SRA1: variants seen among roughly 807,000 people sequenced by gnomAD.
The protein encoded by SRA1 is lncRNA SRA.
A neutral mutation model predicts 24.3 loss-of-function variants in SRA1; 25 were observed. That is an observed-to-expected ratio of 1.03 (90% confidence interval 0.75 to 1.43). The LOEUF is 1.43. Among genes scored for constraint, SRA1 ranks in the 40% most tolerant of loss-of-function variants. The pLI is 0.00. For missense variants in SRA1, 303 were observed against 286.6 expected (o/e 1.06, Z -0.41); for synonymous variants, 104 against 109.5 (o/e 0.95, Z 0.31).
chr5:140,555,209 A>G (rs1196310939), intron 2 of SRA1, among the ~76,000 whole-genome samples: 1 of 149,430 alleles, frequency 6.7e-6, no homozygotes, highest in Admixed American at 6.7e-5. Context: ...AGCAGCATTC[A>G]TTACTATTGA....
chr5:140,551,021 A>G (rs1444563930), intron 4 of SRA1, 40 bp downstream of exon 4: 1 of 1,585,042 alleles, frequency 6.3e-7, no homozygotes, highest in South Asian at 1.1e-5. Flanking sequence ...CAACCACAGC[A>G]GGAAAGGGAT....
chr5:140,557,320 G>C (rs962567554), intron 1 of SRA1, 48 bp from the exon 2 acceptor site: 2 of 1,606,162 alleles, frequency 1.2e-6, no homozygotes, highest in African/African-American at 2.7e-5. Flanking sequence ...TCCACTGTTA[G>C]CTTATACTGG....
At chr5:140,550,970 C>T in intron 4 of SRA1, 59 bp from the exon 5 acceptor site, 12 of 1,578,582 alleles carry the variant, frequency 7.6e-6, no homozygotes, top group Non-Finnish European at 1.0e-5. Context: ...CATGCCTCCC[C>T]TCCCAGTCAA....
chr5:140,554,062 C>G (rs1341692510), intron 2 of SRA1, among the ~76,000 whole-genome samples: 2 of 152,188 alleles, frequency 1.3e-5, no homozygotes, highest in Non-Finnish European at 1.5e-5. Flanking sequence ...CACCCTACAT[C>G]AGCCTGTCAT....
At chr5:140,557,493 G>A (rs777933759), upstream of SRA1, 39 of 1,543,932 alleles carry the variant, frequency 2.5e-5, no homozygotes, top group South Asian at 4.3e-4. Context: ...CGTCATTTCC[G>A]GGGCGGCCCC....
intron 4 of SRA1, 54 bp downstream of exon 4, chr5:140,551,007 T>G: frequency 6.3e-7 from 1 of 1,578,326 alleles, no homozygotes; most frequent in South Asian, 1.1e-5. Flanking sequence ...TGCTCCAGCA[T>G]AGCCAACCAC....
intron 2 of SRA1, among the ~76,000 whole-genome samples, chr5:140,556,498 T>C (rs1754699975): frequency 6.6e-6 from 1 of 152,208 alleles, no homozygotes; most frequent in Non-Finnish European, 1.5e-5. Flanking sequence ...AGCTGTTTCT[T>C]TTGCTTGGAA....
rs553491387 is a variant in SRA1, at chr5:140,550,468, C to T, written c.*232G>A. 6.5e-5 allele frequency: 38 copies of T among 580,174 alleles called. No homozygotes were observed. In the South Asian group the frequency reaches 7.7e-4, roughly 12 times the overall value. 35.9% of individuals were successfully genotyped at this position (580,174 alleles called of 1,614,324 possible). On this transcript the variant is annotated 3_prime_UTR_variant, in exon 5 of 5. Coordinates refer to ENST00000336283, the MANE Select transcript of SRA1 (RefSeq NM_001035235.4). Reference sequence around the variant, plus strand: ...AGTCGAGGACACCAGAGGGGACTAGCTTGGCACCGGAAGGGTTCATCTCTC... The same window carrying T: ...AGTCGAGGACACCAGAGGGGACTAGTTTGGCACCGGAAGGGTTCATCTCTC...
Position 140,557,423 on chromosome 5 carries a change from C to A in SRA1, c.25+5G>T, listed in dbSNP as rs754935099. On this transcript the variant is annotated splice_donor_5th_base_variant and intron_variant, in intron 1 of 4. Coordinates refer to ENST00000336283, the MANE Select transcript of SRA1 (RefSeq NM_001035235.4). The stretch of plus-strand genomic sequence containing the variant: ...CTAGTGCCCTAGCCCGCCGGCTGCG[C>A]TCACCCGGCTTCACGTACAGCTCCG... 11 of 1,575,242 alleles carry A rather than the reference C, an allele frequency of 7.0e-6. No individual in the cohort carries two copies. In the South Asian group the frequency reaches 1.1e-4, roughly 16 times the overall value.
chr5:140,553,435 T>G (rs957629890), intron 2 of SRA1, among the ~76,000 whole-genome samples: 1 of 152,150 alleles, frequency 6.6e-6, no homozygotes, highest in Non-Finnish European at 1.5e-5. Flanking sequence ...GAACATGTAC[T>G]AGGTCGAGGT....
At chr5:140,556,115 A>T (rs947593226) in intron 2 of SRA1, among the ~76,000 whole-genome samples, 1 of 152,256 alleles carries the variant, frequency 6.6e-6, no homozygotes, top group African/African-American at 2.4e-5. Flanking sequence ...TAGAAGTCAG[A>T]GTTGCTGATT....
chr5:140,557,497 C>G (rs1754760725), upstream of SRA1: 1 of 1,540,104 alleles, frequency 6.5e-7, no homozygotes, highest in Admixed American at 2.0e-5. Context: ...ATTTCCGGGG[C>G]GGCCCCTCAC....
chr5:140,552,054 C>T lies in SRA1; in HGVS notation c.282G>A (p.Glu94=). The change falls in exon 3 of 5, where the codon GAG becomes GAA. Residue 94 remains glutamate (E), a synonymous_variant. Transcript: ENST00000336283. ...SGVEPTSFPV[E]SEAVMEDVLR... ...GCACATCCTCCATCACAGCCTCAGA[C>T]TCGACTGGGAAACTTGTGGGCTCCA... is the stretch of plus-strand genomic sequence containing the variant. The T allele has an allele frequency of 1.9e-6, 3 of 1,600,636 alleles. No homozygotes were observed. The highest frequency in any genetic ancestry group is 2.6e-6 in the Non-Finnish European group (3 of 1,170,324).
Position 140,552,064 on chromosome 5 carries a change from A to C in SRA1, c.272T>G (p.Phe91Cys), listed in dbSNP as rs140018490. ...GPASGVEPTS[F>C]PVESEAVMED... ...CATCACAGCCTCAGACTCGACTGGG[A>C]AACTTGTGGGCTCCACGCCAGAGGC... Residue 91 changes from phenylalanine to cysteine, a missense_variant, in exon 3 of 5, where the codon TTC becomes TGC. Phe to Cys is a radical substitution (Grantham distance 205, BLOSUM62 -2). Coordinates refer to ENST00000336283, the MANE Select transcript of SRA1 (RefSeq NM_001035235.4). 6.2e-7 allele frequency: 1 copy of C among 1,614,028 alleles called. No individual in the cohort carries two copies. The highest frequency in any genetic ancestry group is 8.5e-7 in the Non-Finnish European group (1 of 1,179,976).
chr5:140,556,709 C>A (rs899081327), intron 2 of SRA1, among the ~76,000 whole-genome samples: 1 of 151,256 alleles, frequency 6.6e-6, no homozygotes, highest in African/African-American at 2.4e-5. Context: ...AGTTCGCCCT[C>A]AAACAGTGCC....
intron 2 of SRA1, among the ~76,000 whole-genome samples, chr5:140,553,355 T>C (rs1477681091): frequency 6.7e-6 from 1 of 149,602 alleles, no homozygotes; most frequent in East Asian, 2.0e-4. Context: ...TAGCAAAAAG[T>C]ACAAAATGAG....
intron 2 of SRA1, among the ~76,000 whole-genome samples, chr5:140,556,380 G>A (rs555090375): frequency 6.6e-5 from 10 of 152,152 alleles, no homozygotes; most frequent in African/African-American, 1.7e-4. Flanking sequence ...CTAACTTTAT[G>A]TAGATTAAAA....
chr5:140,552,454 A>G (rs1320721359), intron 2 of SRA1, among the ~76,000 whole-genome samples: 2 of 152,128 alleles, frequency 1.3e-5, no homozygotes, highest in Non-Finnish European at 2.9e-5. Context: ...GGAGTTCAAG[A>G]CCAGCCTGGC....
chr5:140,557,573 T>C, upstream of SRA1: 1 of 1,214,432 alleles, frequency 8.2e-7, no homozygotes, highest in South Asian at 1.5e-5. Flanking sequence ...TGGATGCTGG[T>C]TCACAACCGT....
Sources: gnomAD v4.1 joint callset for allele counts (sites outside exome capture counted in the v4.1 genomes callset) on GRCh38, gnomAD v4.1.1 for gene constraint, MANE v1.5 for transcripts, NCBI Gene and HGNC (gene_info 2026-07-23, HGNC 2026-07-21) for gene names.